The following EMCN variants were observed in gnomAD, a reference collection of about 807,000 sequenced individuals.
The protein encoded by EMCN is endomucin, also known as MUC-14.
Under a neutral mutation model 38.4 loss-of-function variants are expected in EMCN, and 37 were observed. The ratio of observed to expected loss-of-function variants is 0.96; its 90% confidence interval spans 0.74 to 1.27. The LOEUF (loss-of-function observed/expected upper bound fraction) is 1.27, where lower values mean the gene tolerates loss of function less well. Among genes scored for constraint, EMCN ranks in the 50% most tolerant of loss-of-function variants. The pLI is 0.00. For missense variants in EMCN, 318 were observed against 302.8 expected (o/e 1.05, Z -0.37); for synonymous variants, 95 against 100.8 (o/e 0.94, Z 0.35).
intron 1 of EMCN, among the ~76,000 whole-genome samples, chr4:100,504,501 G>A (rs550704223): frequency 6.6e-6 from 1 of 152,292 alleles, no homozygotes; most frequent in East Asian, 1.9e-4. Context: ...TTAGTTTGTA[G>A]CAATTACTCT....
chr4:100,424,379 G>A (rs925528321), intron 5 of EMCN, among the ~76,000 whole-genome samples: 1 of 152,086 alleles, frequency 6.6e-6, no homozygotes, highest in South Asian at 2.1e-4. Flanking sequence ...CCAACATGGA[G>A]CTCTGGGTAC....
intron 8 of EMCN, among the ~76,000 whole-genome samples, chr4:100,417,871 A>G (rs1338345560): frequency 2.0e-5 from 3 of 152,196 alleles, no homozygotes; most frequent in East Asian, 1.9e-4. Flanking sequence ...GTGATTGCAT[A>G]AGGTTCCCCT....
chr4:100,447,740 A>T (rs1013530203), intron 4 of EMCN, among the ~76,000 whole-genome samples, 169 bp from the exon 5 acceptor site: 12 of 152,088 alleles, frequency 7.9e-5, no homozygotes, highest in African/African-American at 2.4e-4. Context: ...AACTTCAGAG[A>T]AGGTTTTTAA....
rs1384582806 is a variant in EMCN, at chr4:100,396,871, C to G, written c.*1542G>C. The stretch of plus-strand genomic sequence containing the variant: ...AGATTAAAATTAAGCATGGGCTCAA[C>G]AGTTCTAAAGTGAAAACATACATAG... On this transcript the variant is annotated 3_prime_UTR_variant, in exon 12 of 12. Transcript: ENST00000296420. 1 of 151,658 alleles carries G rather than the reference C, an allele frequency of 6.6e-6. No homozygotes were observed. Among genetic ancestry groups the G allele is most frequent in the Non-Finnish European group, 1.5e-5 (1 of 67,920 alleles). 9.4% of individuals were successfully genotyped at this position (151,658 alleles called of 1,614,324 possible).
At chr4:100,442,864 T>G (rs1727561990) in intron 5 of EMCN, among the ~76,000 whole-genome samples, 1 of 152,204 alleles carries the variant, frequency 6.6e-6, no homozygotes, top group Non-Finnish European at 1.5e-5. Flanking sequence ...TTTATTATTT[T>G]TCTGAGACAA....
chr4:100,397,591 T>C lies in EMCN; in HGVS notation c.*822A>G, dbSNP rs1726150780. 2 of 152,186 alleles carry C rather than the reference T, an allele frequency of 1.3e-5. No homozygotes were observed. Among genetic ancestry groups the C allele is most frequent in the South Asian group, 2.1e-4 (1 of 4,830 alleles). 9.4% of individuals were successfully genotyped at this position (152,186 alleles called of 1,614,324 possible). ...TCTTAATGAATGCAGTATAGTGTTA[T>C]AAATGCCCTTGCACTTACATCTTCA... is the stretch of plus-strand genomic sequence containing the variant. On this transcript the variant is annotated 3_prime_UTR_variant, in exon 12 of 12. Transcript: ENST00000296420.
intron 11 of EMCN, among the ~76,000 whole-genome samples, chr4:100,409,878 C>T (rs1726501469): frequency 6.6e-6 from 1 of 152,216 alleles, no homozygotes; most frequent in African/African-American, 2.4e-5. Context: ...TATATTTTAT[C>T]ATTTTCTTGC....
chr4:100,409,887 G>C (rs185550285), intron 11 of EMCN, among the ~76,000 whole-genome samples: 1 of 152,288 alleles, frequency 6.6e-6, no homozygotes, highest in Non-Finnish European at 1.5e-5. Context: ...TCATTTTCTT[G>C]CAATAAACTG....
intron 1 of EMCN, among the ~76,000 whole-genome samples, chr4:100,511,317 C>G (rs1026398886): frequency 1.3e-5 from 2 of 152,078 alleles, no homozygotes; most frequent in Admixed American, 1.3e-4. Context: ...GTGTAAAGTG[C>G]CTGGCACAAT....
intron 11 of EMCN, among the ~76,000 whole-genome samples, chr4:100,400,780 ACT>A (rs1231936670): frequency 6.6e-6 from 1 of 151,984 alleles, no homozygotes; most frequent in African/African-American, 2.4e-5. Context: ...ATAAGAACAA[ACT>A]CTAGTTTCAT....
chr4:100,492,030 T>A (rs761255633), intron 1 of EMCN, among the ~76,000 whole-genome samples: 9 of 151,886 alleles, frequency 5.9e-5, no homozygotes, highest in Non-Finnish European at 1.0e-4. Context: ...AAAGAAACTA[T>A]TAAAGTCCCA....
chr4:100,404,015 T>C lies in EMCN; in HGVS notation c.*40-5642A>G, dbSNP rs543584483. Among the ~76,000 whole-genome samples, 22 of 152,276 alleles carry C rather than the reference T, an allele frequency of 1.4e-4. 1 individual carries two copies. The South Asian group carries it at 4.4e-3, about 30-fold the overall frequency. ...TTCGTGAACATTTTCTCCCATTTTG[T>C]AAGTCGTCTGTTTACTCTGTTGATA... On this transcript the variant is annotated intron_variant, in intron 11 of 11. Transcript: ENST00000296420.
chr4:100,480,137 T>C, intron 1 of EMCN, 98 bp from the exon 2 acceptor site: 1 of 1,033,998 alleles, frequency 9.7e-7, no homozygotes, highest in Non-Finnish European at 1.4e-6. Context: ...AGAATGTGAA[T>C]TTGCAACCAA....
rs776187778 is a variant in EMCN at position 100,423,350 on chromosome 4, A to C, written c.470T>G (p.Ile157Arg). The change falls in exon 6 of 12, where the codon ATA becomes AGA. Residue 157 changes from isoleucine (I) to arginine (R), a missense_variant. Physicochemically the swap from Ile to Arg is moderately conservative, Grantham distance 97. Transcript: ENST00000296420. ...SPSKTGTLTS[I>R]PVTIPENTSQ... Reference sequence around the variant, plus strand: ...GGTGTTTTCTGGAATTGTAACTGGTATTGAGGTTAATGTACCAGTTTTAGA... The same window carrying C: ...GGTGTTTTCTGGAATTGTAACTGGTCTTGAGGTTAATGTACCAGTTTTAGA... The C allele has an allele frequency of 6.2e-7, 1 of 1,613,084 alleles. No individual in the cohort carries two copies. Among genetic ancestry groups the C allele is most frequent in the Non-Finnish European group, 8.5e-7 (1 of 1,179,382 alleles).
chr4:100,515,191 G>A (rs1431021967), intron 1 of EMCN, among the ~76,000 whole-genome samples: 1 of 152,078 alleles, frequency 6.6e-6, no homozygotes, highest in Non-Finnish European at 1.5e-5. Flanking sequence ...GGCACTTGAT[G>A]AGTAAGTGCA....
intron 4 of EMCN, among the ~76,000 whole-genome samples, chr4:100,464,594 A>C (rs2110262587): frequency 6.6e-6 from 1 of 152,212 alleles, no homozygotes; most frequent in South Asian, 2.1e-4. Flanking sequence ...GAGAGTTTTT[A>C]ATATGAGTGA....
At chr4:100,467,676 C>A (rs992092450) in intron 3 of EMCN, among the ~76,000 whole-genome samples, 2 of 112,898 alleles carry the variant, frequency 1.8e-5, no homozygotes, top group South Asian at 3.0e-4. Context: ...AGTGAGACTC[C>A]GTCTCAAAAA....
chr4:100,422,822 CTT>C (rs71878999), intron 7 of EMCN, among the ~76,000 whole-genome samples, 197 bp downstream of exon 7: 6,450 of 122,606 alleles, frequency 0.053, 471 homozygotes, highest in African/African-American at 0.17. Flanking sequence ...TCTTTCTTTT[CTT>C]TTTTTTTTTT....
intron 5 of EMCN, among the ~76,000 whole-genome samples, chr4:100,437,619 T>G (rs1410917379): frequency 6.6e-6 from 1 of 152,170 alleles, no homozygotes; most frequent in Non-Finnish European, 1.5e-5. Flanking sequence ...TTCTTTTACG[T>G]GTAGAAATCC....
Sources: gnomAD v4.1 joint callset for allele counts (sites outside exome capture counted in the v4.1 genomes callset) on GRCh38, gnomAD v4.1.1 for gene constraint, MANE v1.5 for transcripts, NCBI Gene and HGNC (gene_info 2026-07-23, HGNC 2026-07-21) for gene names.